CSMD1: variants seen among roughly 807,000 people sequenced by gnomAD.
CSMD1 encodes the protein CUB and Sushi multiple domains 1.
A neutral mutation model predicts 417.5 loss-of-function variants in CSMD1; 213 were observed. The ratio of observed to expected loss-of-function variants is 0.51; its 90% CI spans 0.46 to 0.57. The LOEUF is 0.57. Ranked by LOEUF, CSMD1 falls within the 20% of genes least tolerant of loss-of-function variation. The pLI, the probability that CSMD1 is intolerant of heterozygous loss-of-function variation, is 0.00. For synonymous variants in CSMD1, 2,862 were observed against 1,736.8 expected (o/e 1.65, Z -16.11); for missense variants, 6,923 against 4,529.7 (o/e 1.53, Z -15.17).
At chr8:3,254,159 T>C (rs138629625) in intron 26 of CSMD1, among the ~76,000 whole-genome samples, 23,043 of 152,172 alleles carry the variant, frequency 0.15, 1,832 homozygotes, top group Admixed American at 0.2. Flanking sequence ...GATATGAAAT[T>C]CTGGGTTGAA....
At chr8:4,991,672 G>C (rs747547575) in intron 1 of CSMD1, among the ~76,000 whole-genome samples, 1 of 152,088 alleles carries the variant, frequency 6.6e-6, no homozygotes, top group Non-Finnish European at 1.5e-5. Context: ...GCCGAGCCCC[G>C]GGGCCCAGCG....
chr8:3,164,459 G>A (rs747207635), intron 37 of CSMD1, among the ~76,000 whole-genome samples: 2 of 152,060 alleles, frequency 1.3e-5, no homozygotes, highest in Non-Finnish European at 2.9e-5. Context: ...CAATCACTTA[G>A]GCCTTTAACT....
intron 3 of CSMD1, among the ~76,000 whole-genome samples, chr8:4,416,744 C>T (rs983964751): frequency 1.7e-4 from 26 of 151,978 alleles, no homozygotes; most frequent in African/African-American, 6.3e-4. Context: ...TATGTGTCAG[C>T]CTTTGTCTCA....
intron 30 of CSMD1, among the ~76,000 whole-genome samples, chr8:3,212,238 C>T (rs920276929): frequency 6.6e-6 from 1 of 152,148 alleles, no homozygotes; most frequent in Admixed American, 6.6e-5. Context: ...TATAACTTCC[C>T]ATTCACAAAA....
intron 1 of CSMD1, among the ~76,000 whole-genome samples, chr8:4,697,935 T>A (rs559054883): frequency 6.6e-6 from 1 of 152,162 alleles, no homozygotes; most frequent in Non-Finnish European, 1.5e-5. Context: ...GTTTAAAACA[T>A]TGGTCCTGTC....
chr8:3,981,803 A>C (rs1813892585), intron 5 of CSMD1, among the ~76,000 whole-genome samples: 1 of 152,182 alleles, frequency 6.6e-6, no homozygotes. Context: ...AGAGGCAGTT[A>C]GCAGAGCCTC....
At chr8:3,527,548 C>A (rs979602356) in intron 10 of CSMD1, among the ~76,000 whole-genome samples, 5 of 152,130 alleles carry the variant, frequency 3.3e-5, no homozygotes, top group African/African-American at 1.2e-4. Flanking sequence ...GCCATGGTCA[C>A]AAGAATTGAT....
intron 2 of CSMD1, among the ~76,000 whole-genome samples, chr8:4,581,157 G>A (rs1253707792): frequency 6.6e-6 from 1 of 152,090 alleles, no homozygotes; most frequent in African/African-American, 2.4e-5. Context: ...TACCATCTAT[G>A]AACACAAATT....
intron 3 of CSMD1, among the ~76,000 whole-genome samples, chr8:4,072,615 T>G (rs1051486116): frequency 3.3e-5 from 5 of 152,212 alleles, no homozygotes; most frequent in African/African-American, 1.2e-4. Context: ...TTTTCTGTGT[T>G]TATGTTTTGA....
At chr8:4,846,355 G>C (rs1563573421) in intron 1 of CSMD1, among the ~76,000 whole-genome samples, 1 of 152,142 alleles carries the variant, frequency 6.6e-6, no homozygotes, top group Admixed American at 6.5e-5. Context: ...TTATAGATGG[G>C]TTTCCTTGCT....
At chr8:4,080,629 T>C (rs1171286658) in intron 3 of CSMD1, among the ~76,000 whole-genome samples, 1 of 152,194 alleles carries the variant, frequency 6.6e-6, no homozygotes, top group Non-Finnish European at 1.5e-5. Context: ...AGAAGCTAAA[T>C]TTTATCAGTT....
At chr8:3,880,632 T>C (rs1233621538) in intron 5 of CSMD1, among the ~76,000 whole-genome samples, 1 of 152,236 alleles carries the variant, frequency 6.6e-6, no homozygotes, top group Non-Finnish European at 1.5e-5. Flanking sequence ...ATCTAGGACA[T>C]ACATGTTTCT....
At position 3,378,655 on chromosome 8, in the gene CSMD1, T is replaced by G. The variant is rs1323195051; in HGVS notation, c.2782+8839A>C. ...AGAACCAATGACAAAAACCACATGA[T>G]TATCTCAAGAGATGAAGAAAAGGCC... On this transcript the variant is annotated intron_variant, in intron 18 of 69. Transcript: ENST00000635120. Among the ~76,000 whole-genome samples the G allele has an allele frequency of 2.6e-5, 4 of 152,262 alleles. No homozygotes were observed. In the South Asian group the frequency reaches 8.3e-4, roughly 32 times the overall value.
chr8:3,293,513 C>T (rs1487570988), intron 25 of CSMD1, among the ~76,000 whole-genome samples: 1 of 152,120 alleles, frequency 6.6e-6, no homozygotes, highest in Non-Finnish European at 1.5e-5. Flanking sequence ...TTCTTGGAGG[C>T]TTTGTTTGTT....
At chr8:3,702,311 T>A (rs1435481527) in intron 7 of CSMD1, 1 of 152,204 alleles carries the variant, frequency 6.6e-6, no homozygotes, top group African/African-American at 2.4e-5. Flanking sequence ...ATTGGGCAAG[T>A]CATTTGTCTT....
At chr8:2,955,520 G>C (rs1802935311) in intron 64 of CSMD1, 69 bp downstream of exon 64, 2 of 1,504,978 alleles carry the variant, frequency 1.3e-6, no homozygotes, top group African/African-American at 1.4e-5. Context: ...GTGGACACTA[G>C]CCTGATGGGC....
intron 10 of CSMD1, among the ~76,000 whole-genome samples, chr8:3,512,754 G>A (rs1262549762): frequency 2.4e-4 from 36 of 151,854 alleles, no homozygotes; most frequent in Non-Finnish European, 4.4e-5. Context: ...GACTATAGGT[G>A]CATGCCACCA....
intron 1 of CSMD1, among the ~76,000 whole-genome samples, chr8:4,908,907 C>A (rs971637192): frequency 6.6e-6 from 1 of 152,164 alleles, no homozygotes; most frequent in African/African-American, 2.4e-5. Flanking sequence ...GTCAACATAT[C>A]TCTCAAATCT....
intron 3 of CSMD1, among the ~76,000 whole-genome samples, chr8:4,350,358 T>G (rs1242066308): frequency 6.6e-6 from 1 of 152,056 alleles, no homozygotes; most frequent in African/African-American, 2.4e-5. Context: ...AACCAAGAAA[T>G]GGAGAAAAAT....
Sources: allele counts gnomAD v4.1 joint callset (sites outside exome capture counted in the v4.1 genomes callset), GRCh38; gene constraint gnomAD v4.1.1; transcripts MANE v1.5; gene names NCBI Gene and HGNC (gene_info 2026-07-23, HGNC 2026-07-21).